ANO5: variants seen among roughly 807,000 people sequenced by gnomAD.
The protein encoded by ANO5 is anoctamin-5.
Under a neutral mutation model 121.0 loss-of-function variants are expected in ANO5, and 109 were observed. The observed-to-expected ratio is 0.90, with a 90% CI of 0.77 to 1.06. The LOEUF is 1.06. Ranked by LOEUF, ANO5 falls within the 50% of genes least tolerant of loss-of-function variation. ANO5 has a pLI of 0.00. For missense variants in ANO5, 1,064 were observed against 1,078.5 expected (o/e 0.99, Z 0.19); for synonymous variants, 406 against 359.9 (o/e 1.13, Z -1.45).
At chr11:22,203,435 A>G (rs1417582998) in intron 1 of ANO5, among the ~76,000 whole-genome samples, 1 of 152,104 alleles carries the variant, frequency 6.6e-6, no homozygotes, top group Non-Finnish European at 1.5e-5. Flanking sequence ...GTGAGAGAAT[A>G]TGAAATCTCA....
chr11:22,206,089 A>T (rs1413875861), intron 2 of ANO5, among the ~76,000 whole-genome samples: 1 of 152,158 alleles, frequency 6.6e-6, no homozygotes, highest in Non-Finnish European at 1.5e-5. Context: ...AAATAGAAGA[A>T]AAACAGATGC....
intron 19 of ANO5, among the ~76,000 whole-genome samples, 196 bp from the exon 20 acceptor site, chr11:22,274,373 C>G (rs1305762343): frequency 6.6e-6 from 1 of 152,106 alleles, no homozygotes; most frequent in Non-Finnish European, 1.5e-5. Flanking sequence ...GCTATGAAAT[C>G]TTGGAATACT....
chr11:22,231,882 G>A (rs942424000), intron 7 of ANO5, among the ~76,000 whole-genome samples: 9 of 151,996 alleles, frequency 5.9e-5, no homozygotes, highest in Non-Finnish European at 1.3e-4. Context: ...TCAGTCTTTC[G>A]TGTTGTCTCT....
At chr11:22,205,167 A>C (rs1290155364) in intron 2 of ANO5, among the ~76,000 whole-genome samples, 1 of 152,064 alleles carries the variant, frequency 6.6e-6, no homozygotes. Flanking sequence ...AGATACATAG[A>C]GGGAAACATC....
chr11:22,227,078 G>A (rs1039625960), intron 6 of ANO5, among the ~76,000 whole-genome samples: 10 of 151,954 alleles, frequency 6.6e-5, no homozygotes, highest in African/African-American at 1.9e-4. Flanking sequence ...CTCTCTTTCT[G>A]TCTTTCACAT....
At chr11:22,267,508 T>TTATATATA (rs567878499) in intron 17 of ANO5, among the ~76,000 whole-genome samples, 37 of 126,098 alleles carry the variant, frequency 2.9e-4, no homozygotes, top group African/African-American at 1.6e-3. Flanking sequence ...ATATCTACAA[T>TTATATATA]TATATATATA....
chr11:22,203,717 A>G (rs906669558), intron 1 of ANO5, 87 bp from the exon 2 acceptor site: 5 of 793,086 alleles, frequency 6.3e-6, no homozygotes, highest in East Asian at 2.7e-5. Context: ...AATTCATTCA[A>G]TTCCTATTTT....
intron 8 of ANO5, among the ~76,000 whole-genome samples, 161 bp from the exon 9 acceptor site, chr11:22,239,405 ATAT>A (rs1409255482): frequency 6.6e-6 from 1 of 152,130 alleles, no homozygotes; most frequent in Non-Finnish European, 1.5e-5. Context: ...TAATAAATAA[ATAT>A]TATTAGTTTA....
At chr11:22,271,605 AC>A (rs1205647263) in intron 18 of ANO5, among the ~76,000 whole-genome samples, 3 of 152,230 alleles carry the variant, frequency 2.0e-5, no homozygotes, top group Admixed American at 6.5e-5. Flanking sequence ...AGAGATTACT[AC>A]TGAAATTAAA....
chr11:22,277,995 A>G (rs1854930227), intron 21 of ANO5: 1 of 151,688 alleles, frequency 6.6e-6, no homozygotes, highest in Admixed American at 6.6e-5. Flanking sequence ...ACATGTGATT[A>G]TTTGGAATAG....
At chr11:22,222,326 T>C (rs1342784946) in intron 5 of ANO5, among the ~76,000 whole-genome samples, 1 of 152,002 alleles carries the variant, frequency 6.6e-6, no homozygotes, top group Non-Finnish European at 1.5e-5. Flanking sequence ...TTTAAAATCA[T>C]TGATAATATC....
chr11:22,272,573 A>G (rs1244884248), intron 18 of ANO5, among the ~76,000 whole-genome samples: 1 of 152,204 alleles, frequency 6.6e-6, no homozygotes, highest in Non-Finnish European at 1.5e-5. Flanking sequence ...GAACTCAGCC[A>G]TGCATGCCCA....
rs1362469684 is a variant in ANO5 at position 22,262,291 on chromosome 11, G to C, written c.1793G>C (p.Ser598Thr). 3 of 1,613,632 alleles carry C rather than the reference G, an allele frequency of 1.9e-6. No homozygotes were observed. Among genetic ancestry groups the C allele is most frequent in the Non-Finnish European group, 2.5e-6 (3 of 1,179,842 alleles). ...KYTYLFNEWR[S>T]EECDPGGCLI... Reference sequence around the variant, plus strand: ...ACATATTTATTTAATGAGTGGAGAAGTGAAGAGGTAAGAATTTCCTTGAGA... The same window carrying C: ...ACATATTTATTTAATGAGTGGAGAACTGAAGAGGTAAGAATTTCCTTGAGA... The change falls in exon 16 of 22, where the codon AGT becomes ACT. Residue 598 changes from serine (S) to threonine (T), a missense_variant. Ser to Thr is a moderately conservative substitution (Grantham distance 58). Coordinates refer to ENST00000324559, the MANE Select transcript of ANO5 (RefSeq NM_213599.3).
intron 3 of ANO5, among the ~76,000 whole-genome samples, chr11:22,217,248 A>C (rs1852474845): frequency 6.6e-6 from 1 of 151,886 alleles, no homozygotes; most frequent in Admixed American, 6.6e-5. Flanking sequence ...TATAAAATAC[A>C]CTCAATTCTT....
chr11:22,223,977 C>G (rs910679438), intron 5 of ANO5, among the ~76,000 whole-genome samples: 1 of 151,946 alleles, frequency 6.6e-6, no homozygotes, highest in Non-Finnish European at 1.5e-5. Flanking sequence ...AATGGTCAAG[C>G]CTCAGCCCTC....
chr11:22,238,278 G>GTTT (rs377518041), intron 8 of ANO5, among the ~76,000 whole-genome samples: 62 of 137,050 alleles, frequency 4.5e-4, no homozygotes, highest in African/African-American at 1.2e-3. Flanking sequence ...AGACCTCATA[G>GTTT]TTTTTTTTTT....
At position 22,279,936 on chromosome 11, in the gene ANO5, G is replaced by A; in HGVS notation, c.*171G>A. 1 of 613,352 alleles carries A rather than the reference G, an allele frequency of 1.6e-6. No homozygotes were observed. The highest frequency in any genetic ancestry group is 2.8e-5 in the East Asian group (1 of 35,568). The allele number at this position is 613,352 out of a possible 1,614,324, so 38.0% of individuals were successfully genotyped here. On this transcript the variant is annotated 3_prime_UTR_variant, in exon 22 of 22. Coordinates refer to ENST00000324559, the MANE Select transcript of ANO5 (RefSeq NM_213599.3). The stretch of plus-strand genomic sequence containing the variant: ...CTTTTATAGAGGCCAACTTTGTGAT[G>A]TTGGAAATGTACTACTTCTCTGCTT...
chr11:22,238,315 A>T, intron 8 of ANO5, among the ~76,000 whole-genome samples: 1 of 150,530 alleles, frequency 6.6e-6, no homozygotes, highest in African/African-American at 2.4e-5. Context: ...AGTTTTTTAA[A>T]ATTAATTTTT....
chr11:22,254,279 A>G (rs1484300884), intron 12 of ANO5, among the ~76,000 whole-genome samples: 1 of 152,170 alleles, frequency 6.6e-6, no homozygotes, highest in Non-Finnish European at 1.5e-5. Flanking sequence ...AGTTCCTTAC[A>G]TTATTTAAAA....
Sources: allele counts gnomAD v4.1 joint callset (sites outside exome capture counted in the v4.1 genomes callset), GRCh38; gene constraint gnomAD v4.1.1; transcripts MANE v1.5; gene names NCBI Gene and HGNC (gene_info 2026-07-23, HGNC 2026-07-21).